MACROD2: variants seen among roughly 807,000 people sequenced by gnomAD.
The protein encoded by MACROD2 is mono-ADP ribosylhydrolase 2, also known as ADP-ribose glycohydrolase MACROD2.
Under a neutral mutation model 70.4 loss-of-function variants are expected in MACROD2, and 36 were observed. The ratio of observed to expected loss-of-function variants is 0.51; its 90% CI spans 0.39 to 0.68. MACROD2 has a LOEUF of 0.68. Ranked by LOEUF, MACROD2 falls within the 30% of genes least tolerant of loss-of-function variation. The pLI is 0.00. For synonymous variants in MACROD2, 172 were observed against 178.8 expected (o/e 0.96, Z 0.30); for missense variants, 496 against 538.4 (o/e 0.92, Z 0.78).
intron 3 of MACROD2, among the ~76,000 whole-genome samples, chr20:14,343,252 G>C (rs115422959): frequency 0.027 from 3,947 of 145,070 alleles, 52 homozygotes; most frequent in African/African-American, 0.033. Flanking sequence ...AAAAAAAAAA[G>C]ACTTAAAATG....
chr20:15,901,632 C>T (rs1326755654), intron 10 of MACROD2, among the ~76,000 whole-genome samples: 2 of 152,170 alleles, frequency 1.3e-5, no homozygotes, highest in Non-Finnish European at 2.9e-5. Context: ...TATTTTCAAC[C>T]TACAATGGGT....
intron 5 of MACROD2, among the ~76,000 whole-genome samples, chr20:15,023,561 C>T (rs2075206371): frequency 6.6e-6 from 1 of 152,126 alleles, no homozygotes; most frequent in Non-Finnish European, 1.5e-5. Context: ...ACTCACAGTT[C>T]CACATGGCTG....
chr20:14,732,270 T>G (rs1233924366), intron 5 of MACROD2, among the ~76,000 whole-genome samples: 3 of 152,148 alleles, frequency 2.0e-5, no homozygotes, highest in African/African-American at 7.2e-5. Context: ...ATGTGTGTAT[T>G]TGGGGGCAGG....
At chr20:15,156,831 C>A (rs1479016356) in intron 5 of MACROD2, among the ~76,000 whole-genome samples, 2 of 152,202 alleles carry the variant, frequency 1.3e-5, no homozygotes, top group South Asian at 4.1e-4. Context: ...AATAGAAATA[C>A]CTGTATTAGC....
intron 5 of MACROD2, among the ~76,000 whole-genome samples, chr20:14,761,803 C>G (rs570070576): frequency 6.6e-6 from 1 of 152,102 alleles, no homozygotes; most frequent in South Asian, 2.1e-4. Flanking sequence ...TTGTAGTCCC[C>G]GCACATAAAC....
intron 9 of MACROD2, among the ~76,000 whole-genome samples, chr20:15,871,458 C>T (rs895094374): frequency 1.3e-5 from 2 of 152,176 alleles, no homozygotes; most frequent in African/African-American, 2.4e-5. Context: ...TATGTGCCTA[C>T]TATGTTCCCA....
chr20:15,586,268 G>A (rs1159376520), intron 8 of MACROD2, among the ~76,000 whole-genome samples: 1 of 152,142 alleles, frequency 6.6e-6, no homozygotes, highest in Non-Finnish European at 1.5e-5. Context: ...AGTAGGTCTG[G>A]TGTGGGGCCT....
intron 3 of MACROD2, among the ~76,000 whole-genome samples, chr20:14,299,769 A>C (rs930320113): frequency 6.6e-6 from 1 of 152,174 alleles, no homozygotes; most frequent in Non-Finnish European, 1.5e-5. Flanking sequence ...AAGGGATAAG[A>C]TTACTTGTGG....
intron 10 of MACROD2, among the ~76,000 whole-genome samples, chr20:15,926,099 C>T (rs1010050379): frequency 5.9e-5 from 9 of 152,170 alleles, no homozygotes; most frequent in Non-Finnish European, 1.3e-4. Context: ...AATCTGCCCC[C>T]GCCTGGGGAG....
chr20:15,658,391 G>A (rs1376485521), intron 8 of MACROD2, among the ~76,000 whole-genome samples: 4 of 152,110 alleles, frequency 2.6e-5, no homozygotes, highest in African/African-American at 9.7e-5. Flanking sequence ...TGAAAGCATA[G>A]ATTGCTGGCT....
intron 6 of MACROD2, among the ~76,000 whole-genome samples, chr20:15,378,795 C>T (rs2045601554): frequency 6.6e-6 from 1 of 151,920 alleles, no homozygotes; most frequent in Non-Finnish European, 1.5e-5. Context: ...AATTTTTTTT[C>T]AACCTTAACT....
At chr20:15,610,796 C>T (rs973118207) in intron 8 of MACROD2, among the ~76,000 whole-genome samples, 20 of 151,996 alleles carry the variant, frequency 1.3e-4, no homozygotes, top group Admixed American at 5.2e-4. Flanking sequence ...TGTTCTCCAA[C>T]CTCTAAATCG....
intron 6 of MACROD2, among the ~76,000 whole-genome samples, chr20:15,371,676 G>C (rs1386437533): frequency 6.6e-6 from 1 of 152,136 alleles, no homozygotes; most frequent in East Asian, 1.9e-4. Context: ...AATCTAGGGG[G>C]ATAGCCAAGA....
At chr20:15,906,455 G>A (rs1041605808) in intron 10 of MACROD2, among the ~76,000 whole-genome samples, 4 of 152,074 alleles carry the variant, frequency 2.6e-5, no homozygotes, top group Non-Finnish European at 5.9e-5. Context: ...ATTTAACTGA[G>A]CATTTTCTAC....
intron 6 of MACROD2, among the ~76,000 whole-genome samples, chr20:15,250,931 A>G (rs2077150476): frequency 6.6e-6 from 1 of 152,188 alleles, no homozygotes; most frequent in South Asian, 2.1e-4. Context: ...ATGAATGTAG[A>G]ATGAATAAAT....
At chr20:15,056,075 C>T (rs1489272975) in intron 5 of MACROD2, among the ~76,000 whole-genome samples, 2 of 152,148 alleles carry the variant, frequency 1.3e-5, no homozygotes, top group African/African-American at 2.4e-5. Flanking sequence ...GCGTGAGCCA[C>T]AGCACCTGGC....
At chr20:15,306,733 A>T (rs2077701415) in intron 6 of MACROD2, among the ~76,000 whole-genome samples, 4 of 152,188 alleles carry the variant, frequency 2.6e-5, no homozygotes, top group Admixed American at 2.6e-4. Flanking sequence ...ACAGGGTTGT[A>T]GGAGCAGCAG....
At chr20:15,387,485 C>A (rs1301908220) in intron 6 of MACROD2, among the ~76,000 whole-genome samples, 5 of 151,486 alleles carry the variant, frequency 3.3e-5, no homozygotes. Flanking sequence ...GTCTCTCTTT[C>A]TCCCCTTCTC....
intron 3 of MACROD2, among the ~76,000 whole-genome samples, chr20:14,142,946 A>G (rs2054896550): frequency 6.6e-6 from 1 of 152,232 alleles, no homozygotes; most frequent in Non-Finnish European, 1.5e-5. Context: ...AAGTCTTAAG[A>G]GTGTGGGTGT....
Sources: allele counts gnomAD v4.1 joint callset (sites outside exome capture counted in the v4.1 genomes callset), GRCh38; gene constraint gnomAD v4.1.1; transcripts MANE v1.5; gene names NCBI Gene and HGNC (gene_info 2026-07-23, HGNC 2026-07-21).